Variants in CACNA1C observed in about 807,000 individuals in gnomAD.
CACNA1C encodes the protein voltage-dependent L-type calcium channel subunit alpha-1C.
Under a neutral mutation model 229.0 loss-of-function variants are expected in CACNA1C, and 30 were observed. That is an observed-to-expected ratio of 0.13 (90% CI 0.10 to 0.18). The LOEUF (loss-of-function observed/expected upper bound fraction) is 0.18. CACNA1C is among the 10% of genes least tolerant of loss of function. The pLI is 1.00. For synonymous variants in CACNA1C, 1,114 were observed against 1,132.5 expected, an observed-to-expected ratio of 0.98 and a Z score of 0.33; for missense variants, 1,658 against 2,845.0, an observed-to-expected ratio of 0.58 and a Z score of 9.49.
intron 3 of CACNA1C, among the ~76,000 whole-genome samples, chr12:2,314,967 T>C (rs2095613371): frequency 6.6e-6 from 1 of 152,182 alleles, no homozygotes; most frequent in Admixed American, 6.5e-5. Context: ...CCTCAGCCCC[T>C]GCCGACTTGC....
At chr12:2,535,280 T>C (rs1007981013) in intron 9 of CACNA1C, among the ~76,000 whole-genome samples, 2 of 152,028 alleles carry the variant, frequency 1.3e-5, no homozygotes, top group Non-Finnish European at 2.9e-5. Flanking sequence ...TCCCAGCTAC[T>C]TGGGAGGCTG....
intron 3 of CACNA1C, among the ~76,000 whole-genome samples, chr12:2,277,350 G>A (rs1457333379): frequency 1.3e-5 from 1 of 76,460 alleles, no homozygotes; most frequent in Non-Finnish European, 2.8e-5. Context: ...CAGACAGACA[G>A]ACAGACAGAC....
At chr12:2,208,380 G>A (rs146844339) in intron 3 of CACNA1C, among the ~76,000 whole-genome samples, 1 of 152,358 alleles carries the variant, frequency 6.6e-6, no homozygotes, top group African/African-American at 2.4e-5. Context: ...AGGTTGCTGT[G>A]GCTTTGGCTA....
intron 5 of CACNA1C, among the ~76,000 whole-genome samples, chr12:2,476,789 G>A (rs893456000): frequency 5.9e-5 from 9 of 152,064 alleles, no homozygotes; most frequent in Non-Finnish European, 1.0e-4. Context: ...CCATGTGTGG[G>A]ATGCAGAATT....
chr12:2,563,857 G>GC (rs2048820370), intron 11 of CACNA1C, among the ~76,000 whole-genome samples: 1 of 152,228 alleles, frequency 6.6e-6, no homozygotes, highest in Non-Finnish European at 1.5e-5. Flanking sequence ...AGCTGTCCCT[G>GC]CCCCCTGGGG....
chr12:2,262,046 T>C (rs966276207), intron 3 of CACNA1C, among the ~76,000 whole-genome samples: 1 of 152,240 alleles, frequency 6.6e-6, no homozygotes, highest in Non-Finnish European at 1.5e-5. Flanking sequence ...CTTTCTGATC[T>C]ACAGCAGAGT....
In CACNA1C at chr12:2,646,743, T is replaced by C. The variant is rs1233406141; in HGVS notation, c.3913-1732T>C. Among the ~76,000 whole-genome samples the C allele has an allele frequency of 2.7e-5, 4 of 148,704 alleles. No individual in the cohort carries two copies. The highest frequency in any genetic ancestry group is 7.5e-5 in the African/African-American group (3 of 39,972). ...TTTGCCAAGAAATTTCTTCTGTGCA[T>C]GCCTGTATGAGAGAGAGAGAGAGAA... is the stretch of plus-strand genomic sequence containing the variant. On this transcript the variant is annotated intron_variant, in intron 30 of 46. Coordinates refer to ENST00000399655, the MANE Select transcript of CACNA1C (RefSeq NM_000719.7). The surrounding 1 kb of genome is among the most constrained non-coding windows in gnomAD (Gnocchi z 4.6).
In CACNA1C at chr12:2,448,963, TTC is replaced by T. The variant is rs750093371; in HGVS notation, c.478-11_478-10del. On this transcript the variant is annotated splice_polypyrimidine_tract_variant and intron_variant, in intron 3 of 46. Transcript: ENST00000399655. ...TGACTTATTTTTCTCTCTTTTCTAT[TTC>T]TGTTTCCTAGGAACGAGTGGAATAT... The T allele has an allele frequency of 1.6e-5, 25 of 1,601,248 alleles. 1 individual carries two copies. The South Asian group carries it at 2.1e-4, about 14-fold the overall frequency.
chr12:2,547,655 TTGTGTG>T, intron 9 of CACNA1C: 1 of 641,006 alleles, frequency 1.6e-6, no homozygotes, highest in African/African-American at 1.8e-5. Context: ...TGTATATATG[TTGTGTG>T]TGTGTGTGTG....
At chr12:2,690,744 G>T in intron 46 of CACNA1C, 156 bp from the exon 47 acceptor site, 1 of 678,686 alleles carries the variant, frequency 1.5e-6, no homozygotes, top group Non-Finnish European at 2.4e-6. Context: ...TGTTCCCCAT[G>T]GGTGCCCCTC....
intron 3 of CACNA1C, among the ~76,000 whole-genome samples, chr12:2,214,735 G>GCTA (rs1599373753): frequency 2.5e-5 from 2 of 79,704 alleles, no homozygotes; most frequent in Admixed American, 2.3e-4. Flanking sequence ...GATAAGAGGT[G>GCTA]TCACCGCCAG....
chr12:2,648,519 C>A lies in CACNA1C; in HGVS notation c.3945+12C>A. 1 of 1,613,450 alleles carries A rather than the reference C, an allele frequency of 6.2e-7. No homozygotes were observed. On this transcript the variant is annotated intron_variant, in intron 31 of 46. Transcript: ENST00000399655. ...GCTCTCCCTCTATGGTAAGACCAACCCTCCCGACCATGCTCCCGGCTTCCG... is the reference window on the plus strand; with the variant it reads ...GCTCTCCCTCTATGGTAAGACCAACACTCCCGACCATGCTCCCGGCTTCCG...
chr12:2,220,406 T>C (rs72653432), intron 3 of CACNA1C: 19,596 of 152,330 alleles, frequency 0.13, 1,647 homozygotes, highest in East Asian at 0.33. Context: ...GCATTACCTC[T>C]GCCCTCCCAT....
chr12:2,418,510 C>G (rs2098939663), intron 3 of CACNA1C, among the ~76,000 whole-genome samples: 1 of 151,864 alleles, frequency 6.6e-6, no homozygotes, highest in African/African-American at 2.4e-5. Context: ...TCAGTTAGGC[C>G]AGAGCCCTGT....
chr12:2,096,994 G>C (rs2074292556), intron 1 of CACNA1C, among the ~76,000 whole-genome samples: 1 of 152,142 alleles, frequency 6.6e-6, no homozygotes, highest in South Asian at 2.1e-4. Flanking sequence ...GGACACTTGG[G>C]TTGTTTCTAT....
chr12:2,170,746 C>T (rs944179790), intron 3 of CACNA1C, among the ~76,000 whole-genome samples: 20 of 152,200 alleles, frequency 1.3e-4, no homozygotes, highest in South Asian at 2.1e-4. Context: ...TCCTCTCCCA[C>T]GTTCACTGGG....
chr12:1,993,032 A>G (rs1406206291), intron 1 of CACNA1C: 6 of 663,926 alleles, frequency 9.0e-6, no homozygotes, highest in Non-Finnish European at 1.6e-5. Flanking sequence ...AAAGCTTCAA[A>G]AGACAGGGTT....
intron 2 of CACNA1C, among the ~76,000 whole-genome samples, chr12:2,118,721 C>T (rs1346027526): frequency 6.6e-6 from 1 of 152,168 alleles, no homozygotes; most frequent in East Asian, 1.9e-4. Flanking sequence ...GTCTGTCTCC[C>T]ATCATCACTA....
Position 2,550,005 on chromosome 12 carries a change from G to A in CACNA1C, c.1453G>A (p.Glu485Lys), listed in dbSNP as rs763065970. The A allele has an allele frequency of 6.8e-6, 11 of 1,607,718 alleles. No homozygotes were observed. In the Admixed American group the frequency reaches 8.4e-5, roughly 12 times the overall value. ...NTENVAGGDIEGENCGARLAH... is the reference protein window; with the variant it reads ...NTENVAGGDIKGENCGARLAH... ...CGAAAACGTGGCTGGAGGTGACATC[G>A]AGGGAGAAAACTGCGGGGCCAGGCT... Residue 485 changes from glutamate to lysine, a missense_variant, in exon 10 of 47, where the codon GAG (glutamate) becomes AAG (lysine). Transcript: ENST00000399655.
Sources: gnomAD v4.1 joint callset for allele counts (sites outside exome capture counted in the v4.1 genomes callset) on GRCh38, gnomAD v4.1.1 for gene constraint, Gnocchi (gnomAD v3.1) non-coding constraint, MANE v1.5 for transcripts, NCBI Gene and HGNC (gene_info 2026-07-23, HGNC 2026-07-21) for gene names.